ADAMTS17: variants seen among roughly 807,000 people sequenced by gnomAD.
ADAMTS17 encodes A disintegrin and metalloproteinase with thrombospondin motifs 17.
Under a neutral mutation model 141.5 loss-of-function variants are expected in ADAMTS17, and 113 were observed. The ratio of observed to expected loss-of-function variants is 0.80; its 90% CI spans 0.69 to 0.93. The LOEUF is 0.93. Among genes scored for constraint, ADAMTS17 ranks in the 40% least tolerant of loss-of-function variants. The probability of loss-of-function intolerance (pLI) is 0.00; values close to 1 mark genes in which losing one functional copy is unlikely to be tolerated. For synonymous variants in ADAMTS17, 768 were observed against 630.6 expected, an observed-to-expected ratio of 1.22 and a Z score of -3.27; for missense variants, 1,659 against 1,517.9, an observed-to-expected ratio of 1.09 and a Z score of -1.54.
chr15:100,165,912 G>T (rs2039934558), intron 8 of ADAMTS17, among the ~76,000 whole-genome samples: 1 of 151,932 alleles, frequency 6.6e-6, no homozygotes, highest in Non-Finnish European at 1.5e-5. Context: ...TTCCAGAATG[G>T]CCTTGGGTAT....
intron 10 of ADAMTS17, among the ~76,000 whole-genome samples, chr15:100,136,654 A>G (rs1349502094): frequency 5.3e-5 from 8 of 152,242 alleles, no homozygotes; most frequent in African/African-American, 1.9e-4. Context: ...TGTGAAGGTC[A>G]CAGAGTCTGA....
intron 10 of ADAMTS17, among the ~76,000 whole-genome samples, chr15:100,151,913 G>A (rs932244110): frequency 2.6e-5 from 4 of 152,208 alleles, no homozygotes; most frequent in African/African-American, 9.7e-5. Flanking sequence ...TGCAATCAGG[G>A]GTGAATGAGA....
chr15:100,105,427 C>A (rs2036355798), intron 14 of ADAMTS17, among the ~76,000 whole-genome samples: 2 of 152,212 alleles, frequency 1.3e-5, no homozygotes, highest in South Asian at 4.1e-4. Flanking sequence ...TGGAAATAGA[C>A]AGGCTGGTCC....
At chr15:100,084,148 A>G (rs2034934771) in intron 15 of ADAMTS17, among the ~76,000 whole-genome samples, 2 of 152,204 alleles carry the variant, frequency 1.3e-5, no homozygotes, top group South Asian at 4.2e-4. Flanking sequence ...CCACCCTAAT[A>G]CCACACTCTT....
chr15:100,139,350 A>G (rs896252457), intron 10 of ADAMTS17, among the ~76,000 whole-genome samples: 3 of 152,240 alleles, frequency 2.0e-5, no homozygotes, highest in Non-Finnish European at 2.9e-5. Flanking sequence ...CTAAAAGTGT[A>G]TGTAGACTCA....
chr15:100,018,943 T>G (rs144810581), intron 18 of ADAMTS17, among the ~76,000 whole-genome samples: 1 of 152,354 alleles, frequency 6.6e-6, no homozygotes, highest in East Asian at 1.9e-4. Flanking sequence ...AAGCTCAAGT[T>G]ATGTATAACC....
Position 100,115,301 on chromosome 15 carries a change from G to A in ADAMTS17, c.1888+1546C>T, listed in dbSNP as rs1483836206. ...GCCGGTGTGCAACTGCACGGCTCCA[G>A]CCGCACACGTTCCTTCTAGGAGGGC... On this transcript the variant is annotated intron_variant, in intron 13 of 21. Transcript: ENST00000268070. 2.0e-5 allele frequency among the ~76,000 whole-genome samples: 3 copies of A among 152,348 alleles called. No homozygotes were observed. The South Asian group carries it at 6.2e-4, about 32-fold the overall frequency.
chr15:100,106,166 G>C (rs2141077283), intron 14 of ADAMTS17, among the ~76,000 whole-genome samples: 1 of 152,276 alleles, frequency 6.6e-6, no homozygotes, highest in East Asian at 1.9e-4. Flanking sequence ...CTGGATACTA[G>C]CTCTCTTTAT....
chr15:100,285,906 C>T (rs1250664733), intron 3 of ADAMTS17, among the ~76,000 whole-genome samples: 1 of 152,148 alleles, frequency 6.6e-6, no homozygotes, highest in Non-Finnish European at 1.5e-5. Flanking sequence ...GGTGGTCTTG[C>T]CCATAGGATG....
chr15:100,001,214 C>T (rs1211084670), intron 18 of ADAMTS17, among the ~76,000 whole-genome samples: 1 of 152,200 alleles, frequency 6.6e-6, no homozygotes, highest in Non-Finnish European at 1.5e-5. Context: ...TGCCCATTAC[C>T]CCTGAATCTA....
At chr15:100,130,189 C>T (rs2037963651) in intron 12 of ADAMTS17, among the ~76,000 whole-genome samples, 2 of 152,012 alleles carry the variant, frequency 1.3e-5, no homozygotes, top group Non-Finnish European at 2.9e-5. Context: ...CATGGCGAAA[C>T]CCCATCTCTA....
intron 4 of ADAMTS17, among the ~76,000 whole-genome samples, chr15:100,276,663 C>G (rs77996405): frequency 0.011 from 1,729 of 152,172 alleles, 20 homozygotes; most frequent in Middle Eastern, 0.02. Flanking sequence ...CAGAGCCACT[C>G]CCATCCCACA....
intron 20 of ADAMTS17, among the ~76,000 whole-genome samples, chr15:99,981,978 C>T (rs1338324416): frequency 1.3e-5 from 2 of 152,202 alleles, no homozygotes; most frequent in Non-Finnish European, 2.9e-5. Context: ...TGTCAGGCGG[C>T]AGGGGGAAGG....
chr15:100,195,816 C>G (rs1038134592), intron 8 of ADAMTS17, among the ~76,000 whole-genome samples: 1 of 152,104 alleles, frequency 6.6e-6, no homozygotes, highest in Non-Finnish European at 1.5e-5. Flanking sequence ...TCTACAAGTT[C>G]TCTTATTATT....
Position 99,993,336 on chromosome 15 carries a change from A to G in ADAMTS17, c.2797-136T>C. The stretch of plus-strand genomic sequence containing the variant: ...GAAAACCCACACTTCTGTCCTCAAA[A>G]AGCTCCTGGTCTGCAGGGTCTTACG... On this transcript the variant is annotated intron_variant, in intron 19 of 21. Transcript: ENST00000268070. This position sits in a 1 kb window ranked among gnomAD's most constrained non-coding sequence, Gnocchi z 4.3. 7.5e-7 allele frequency: 1 copy of G among 1,328,474 alleles called. No individual in the cohort carries two copies. The allele number at this position is 1,328,474 out of a possible 1,614,324, so 82.3% of individuals were successfully genotyped here.
intron 3 of ADAMTS17, among the ~76,000 whole-genome samples, chr15:100,289,006 G>C (rs1037384209): frequency 1.3e-5 from 2 of 152,018 alleles, no homozygotes; most frequent in Admixed American, 6.6e-5. Context: ...CAAAATCACA[G>C]CTGAACTGAA....
intron 7 of ADAMTS17, among the ~76,000 whole-genome samples, chr15:100,227,353 AC>A (rs1356540796): frequency 9.8e-6 from 1 of 102,358 alleles, no homozygotes; most frequent in Admixed American, 1.0e-4. Context: ...AATCCTCACT[AC>A]CCCCTCCAAT....
At chr15:100,229,958 G>A (rs924880516) in intron 7 of ADAMTS17, among the ~76,000 whole-genome samples, 144 of 152,224 alleles carry the variant, frequency 9.5e-4, no homozygotes, top group African/African-American at 3.4e-3. Context: ...GCCTGTGTTG[G>A]CCTCCCTCAC....
rs544655604 is a variant in ADAMTS17 at position 100,246,742 on chromosome 15, A to G, written c.1075+7394T>C. Among the ~76,000 whole-genome samples the G allele has an allele frequency of 9.2e-5, 14 of 152,234 alleles. No individual in the cohort carries two copies. In the South Asian group the frequency reaches 2.9e-3, roughly 32 times the overall value. On this transcript the variant is annotated intron_variant, in intron 7 of 21. Transcript: ENST00000268070. ...TTTTTTATTGTATTTTATCCATTCC[A>G]TAGCCATATTTCATCATAGCTTTAA...
Sources: allele counts gnomAD v4.1 joint callset (sites outside exome capture counted in the v4.1 genomes callset), GRCh38; gene constraint gnomAD v4.1.1; non-coding constraint Gnocchi (gnomAD v3.1); transcripts MANE v1.5; gene names NCBI Gene and HGNC (gene_info 2026-07-23, HGNC 2026-07-21).